CAPN7: variants seen among roughly 807,000 people sequenced by gnomAD.
CAPN7 encodes calpain 7.
In CAPN7, 72 loss-of-function variants were observed where a neutral mutation model predicts 115.2. The ratio of observed to expected loss-of-function variants is 0.63; its 90% CI spans 0.52 to 0.76. The LOEUF is 0.76. CAPN7 is among the 30% of genes least tolerant of loss of function. The probability of loss-of-function intolerance (pLI) is 0.00; values close to 1 mark genes in which losing one functional copy is unlikely to be tolerated. For missense variants in CAPN7, 905 were observed against 971.5 expected (o/e 0.93, Z 0.91); for synonymous variants, 344 against 322.3 (o/e 1.07, Z -0.72).
At chr3:15,233,696 T>C (rs1694827159) in intron 10 of CAPN7, among the ~76,000 whole-genome samples, 171 bp from the exon 11 acceptor site, 1 of 152,202 alleles carries the variant, frequency 6.6e-6, no homozygotes, top group African/African-American at 2.4e-5. Context: ...ATGTTCAAAT[T>C]CAGTTAGGAA....
At chr3:15,210,526 C>T (rs2044871605) in intron 1 of CAPN7, among the ~76,000 whole-genome samples, 1 of 151,690 alleles carries the variant, frequency 6.6e-6, no homozygotes, top group Non-Finnish European at 1.5e-5. Flanking sequence ...TCTTTTCTAT[C>T]CCACTGCCTT....
At chr3:15,220,267 C>T (rs9831896) in intron 4 of CAPN7, among the ~76,000 whole-genome samples, 4,464 of 152,160 alleles carry the variant, frequency 0.029, 239 homozygotes, top group African/African-American at 0.1. Flanking sequence ...TACTTCTGCA[C>T]GTTTGTACAT....
In CAPN7 at chr3:15,251,204, C is replaced by T; in HGVS notation, c.2386C>T (p.Pro796Ser). The T allele has an allele frequency of 6.2e-7, 1 of 1,610,020 alleles. No homozygotes were observed. The highest frequency in any genetic ancestry group is 8.5e-7 in the Non-Finnish European group (1 of 1,177,752). The change falls in exon 21 of 21, where the codon CCT becomes TCT. Residue 796 changes from proline (P) to serine (S), a missense_variant. This residue lies in a region of CAPN7 where 620 missense variants were observed against 703.4 expected (regional missense o/e 0.88). Transcript: ENST00000253693. The stretch of plus-strand genomic sequence containing the variant: ...TACCTTTTTGCCTAAACAAGAAGGA[C>T]CTTTTTTCTTGGACTTTAATAGTAT... ...PSTFLPKQEG[P>S]FFLDFNSIIP...
chr3:15,233,417 C>T (rs1230172039), intron 10 of CAPN7, among the ~76,000 whole-genome samples: 1 of 152,080 alleles, frequency 6.6e-6, no homozygotes, highest in Non-Finnish European at 1.5e-5. Context: ...TTTTCTTTTC[C>T]CAGCCTATAC....
Position 15,240,745 on chromosome 3 carries a change from A to C in CAPN7, c.1553-9A>C. The C allele has an allele frequency of 6.3e-7, 1 of 1,593,278 alleles. No individual in the cohort carries two copies. Among genetic ancestry groups the C allele is most frequent in the Non-Finnish European group, 8.6e-7 (1 of 1,165,226 alleles). On this transcript the variant is annotated splice_polypyrimidine_tract_variant and intron_variant, in intron 13 of 20. Transcript: ENST00000253693. ...ATTTTTTTAGATTAACAAAGATATTAATTTTCAGGAATATTTTGGATTTCC... is the reference window on the plus strand; with the variant it reads ...ATTTTTTTAGATTAACAAAGATATTCATTTTCAGGAATATTTTGGATTTCC...
intron 10 of CAPN7, among the ~76,000 whole-genome samples, 161 bp downstream of exon 10, chr3:15,232,826 T>C (rs1174041207): frequency 6.6e-6 from 1 of 152,230 alleles, no homozygotes; most frequent in Non-Finnish European, 1.5e-5. Flanking sequence ...GGGATATATA[T>C]ATTTTCTTGT....
rs1287399862 is a variant in CAPN7 at position 15,247,332 on chromosome 3, T to A, written c.2079T>A (p.Asn693Lys). 1.3e-6 allele frequency: 2 copies of A among 1,553,488 alleles called. No individual in the cohort carries two copies. Among genetic ancestry groups the A allele is most frequent in the African/African-American group, 1.4e-5 (1 of 70,806 alleles). Residue 693 changes from asparagine to lysine, a missense_variant, in exon 19 of 21, where the codon AAT becomes AAA. Around this residue, in one of 3 missense-constraint regions of CAPN7, gnomAD observed 620 missense variants for 703.4 expected, o/e 0.88. Transcript: ENST00000253693. ...PSPYTLSKRINGKWSGQSAGG... is the reference protein window; with the variant it reads ...PSPYTLSKRIKGKWSGQSAGG... ...AAAACTTTTGTTTTTATTAGATTAA[T>A]GGAAAGTGGAGTGGTCAGAGTGCTG...
intron 2 of CAPN7, among the ~76,000 whole-genome samples, chr3:15,213,469 A>G (rs2045065999): frequency 6.6e-6 from 1 of 152,256 alleles, no homozygotes; most frequent in Non-Finnish European, 1.5e-5. Context: ...TTTCTGAAGC[A>G]TGCTAGACTA....
At chr3:15,232,816 G>A in intron 10 of CAPN7, 151 bp downstream of exon 10, 1 of 614,554 alleles carries the variant, frequency 1.6e-6, no homozygotes, top group Non-Finnish European at 2.7e-6. Flanking sequence ...CCGTATTATG[G>A]GGATATATAT....
At chr3:15,229,173 C>A in intron 8 of CAPN7, 114 bp downstream of exon 8, 1 of 681,102 alleles carries the variant, frequency 1.5e-6, no homozygotes. Context: ...CAGAATATGG[C>A]CCTTCTGTAG....
chr3:15,239,657 A>G (rs1277252710), intron 12 of CAPN7, among the ~76,000 whole-genome samples: 1 of 152,234 alleles, frequency 6.6e-6, no homozygotes, highest in Admixed American at 6.5e-5. Context: ...AAAGAAAGAA[A>G]TTACTAAATG....
At chr3:15,231,691 G>A (rs11717766) in intron 9 of CAPN7, among the ~76,000 whole-genome samples, 13 of 151,938 alleles carry the variant, frequency 8.6e-5, no homozygotes, top group East Asian at 3.9e-4. Context: ...CACCACGCCC[G>A]GCTAATTTTT....
At chr3:15,217,378 C>T in intron 2 of CAPN7, 47 bp from the exon 3 acceptor site, 1 of 1,411,474 alleles carries the variant, frequency 7.1e-7, no homozygotes, top group Non-Finnish European at 9.5e-7. Flanking sequence ...TGTTTTCTGG[C>T]TGTATTTAGA....
chr3:15,235,195 T>G lies in CAPN7; in HGVS notation c.1407+50T>G, dbSNP rs6791360. ...TATTTTTCTTGTTGGATAAGACATTTCAGGGATCCCAGATAATTTATCAGA... is the reference window on the plus strand; with the variant it reads ...TATTTTTCTTGTTGGATAAGACATTGCAGGGATCCCAGATAATTTATCAGA... On this transcript the variant is annotated intron_variant, in intron 12 of 20. Transcript: ENST00000253693. 34,254 of 1,498,340 alleles carry G rather than the reference T, an allele frequency of 0.023. 6,209 individuals carry two copies. The African/African-American group carries it at 0.41, about 18-fold the overall frequency. 92.8% of individuals were successfully genotyped at this position (1,498,340 alleles called of 1,614,324 possible).
rs76753335 is a variant in CAPN7 at position 15,228,086 on chromosome 3, A to G, written c.852+121A>G. ...TTCAGGTACAGAAGTGTAATTGGAA[A>G]AATTGTTCATTCTACACATTTTGAC... On this transcript the variant is annotated intron_variant, in intron 7 of 20. Coordinates refer to ENST00000253693, the MANE Select transcript of CAPN7 (RefSeq NM_014296.3). The G allele has an allele frequency of 5.1e-4, 317 of 624,804 alleles. 2 individuals carry two copies. In the African/African-American group the frequency reaches 5.5e-3, roughly 11 times the overall value. 38.7% of individuals were successfully genotyped at this position (624,804 alleles called of 1,614,324 possible).
intron 6 of CAPN7, among the ~76,000 whole-genome samples, chr3:15,224,193 A>G (rs1002053710): frequency 7.2e-5 from 11 of 152,222 alleles, no homozygotes; most frequent in Non-Finnish European, 1.3e-4. Flanking sequence ...GCTACTCAAA[A>G]TAAGTATTTA....
intron 1 of CAPN7, among the ~76,000 whole-genome samples, chr3:15,207,507 A>G (rs1001873811): frequency 3.5e-4 from 53 of 152,348 alleles, no homozygotes; most frequent in African/African-American, 1.3e-3. Context: ...ACCTTAGCTT[A>G]CGGTAACCCT....
rs1325885695 is a variant in CAPN7, at chr3:15,206,288, C to CGGGCCGGGTGGGCT, written c.-208_-207insGGGCCGGGTGGGCT. ...CGAAGTGGGGCGGCCGGGTGGGCTA[C>CGGGCCGGGTGGGCT]AAGCCGGGTCTGGGCTGAGGGGCGC... On this transcript the variant is annotated 5_prime_UTR_variant, in exon 1 of 21. Transcript: ENST00000253693. The CGGGCCGGGTGGGCT allele has an allele frequency of 2.2e-6, 1 of 450,050 alleles. No individual in the cohort carries two copies. The highest frequency in any genetic ancestry group is 3.9e-6 in the Non-Finnish European group (1 of 253,796). 27.9% of individuals were successfully genotyped at this position (450,050 alleles called of 1,614,324 possible).
chr3:15,246,480 C>T, intron 17 of CAPN7: 1 of 418,816 alleles, frequency 2.4e-6, no homozygotes, highest in Non-Finnish European at 4.2e-6. Flanking sequence ...CCACCCATTC[C>T]TTTTTCAGAT....
Sources: gnomAD v4.1 joint callset for allele counts (sites outside exome capture counted in the v4.1 genomes callset) on GRCh38, gnomAD v4.1.1 for gene constraint, gnomAD v4.1.1 regional missense constraint, MANE v1.5 for transcripts, NCBI Gene and HGNC (gene_info 2026-07-23, HGNC 2026-07-21) for gene names.